Variants in DCLK2 observed in about 807,000 individuals in gnomAD.
The protein encoded by DCLK2 is doublecortin like kinase 2.
Under a neutral mutation model 78.4 loss-of-function variants are expected in DCLK2, and 31 were observed. The observed-to-expected ratio is 0.40, with a 90% CI of 0.30 to 0.53. The LOEUF (loss-of-function observed/expected upper bound fraction) is 0.53, where lower values mean the gene tolerates loss of function less well. Ranked by LOEUF, DCLK2 falls within the 20% of genes least tolerant of loss-of-function variation. The pLI, the probability that DCLK2 is intolerant of heterozygous loss-of-function variation, is 0.61. For synonymous variants in DCLK2, 407 were observed against 374.9 expected, an observed-to-expected ratio of 1.09 and a Z score of -0.99; for missense variants, 872 against 973.7, an observed-to-expected ratio of 0.90 and a Z score of 1.39.
At chr4:150,218,939 C>G (rs1009762616) in intron 5 of DCLK2, among the ~76,000 whole-genome samples, 4 of 152,186 alleles carry the variant, frequency 2.6e-5, no homozygotes, top group African/African-American at 9.7e-5. Flanking sequence ...AATGGTGGTG[C>G]ACGCCTGTAA....
chr4:150,100,775 A>T (rs752168570), intron 1 of DCLK2, among the ~76,000 whole-genome samples: 27 of 152,218 alleles, frequency 1.8e-4, no homozygotes, highest in Non-Finnish European at 4.4e-5. Flanking sequence ...TTCCCAGATG[A>T]TCATACTGTG....
intron 3 of DCLK2, among the ~76,000 whole-genome samples, chr4:150,197,344 A>T (rs1327949033): frequency 6.6e-6 from 1 of 152,220 alleles, no homozygotes; most frequent in South Asian, 2.1e-4. Context: ...CTACTGATTT[A>T]AAAAGATAGT....
chr4:150,127,523 G>C (rs559016630), intron 2 of DCLK2, among the ~76,000 whole-genome samples: 2 of 152,114 alleles, frequency 1.3e-5, no homozygotes, highest in Non-Finnish European at 2.9e-5. Flanking sequence ...CTTCAAGTTG[G>C]AGTCTGTGTC....
Position 150,108,436 on chromosome 4 carries a change from CG to C in DCLK2, c.756+5627del, listed in dbSNP as rs1477290271. Among the ~76,000 whole-genome samples, 15 of 151,370 alleles carry C rather than the reference CG, an allele frequency of 9.9e-5. No homozygotes were observed. In the East Asian group the frequency reaches 2.7e-3, roughly 28 times the overall value. ...GTGGGCGCCTGTAGTCCCAGCTACA[CG>C]GGAGGCTGAGGCAGGAGAATGGCAT... On this transcript the variant is annotated intron_variant, in intron 2 of 15. Coordinates refer to ENST00000296550, the MANE Select transcript of DCLK2 (RefSeq NM_001040260.4).
At chr4:150,246,110 T>C (rs1242851986) in intron 12 of DCLK2, among the ~76,000 whole-genome samples, 1 of 151,812 alleles carries the variant, frequency 6.6e-6, no homozygotes, top group African/African-American at 2.4e-5. Context: ...AGTGGTGCGA[T>C]CTCAGCTCAC....
intron 1 of DCLK2, 103 bp from the exon 2 acceptor site, chr4:150,102,375 A>G (rs1730947593): frequency 2.8e-6 from 3 of 1,075,400 alleles, no homozygotes; most frequent in South Asian, 3.2e-5. Context: ...TGAACCCACT[A>G]AGGTTAAGGG....
intron 2 of DCLK2, among the ~76,000 whole-genome samples, chr4:150,117,856 A>G (rs1732214867): frequency 6.6e-6 from 1 of 152,194 alleles, no homozygotes; most frequent in Non-Finnish European, 1.5e-5. Context: ...AAAAAAGTTC[A>G]CAGCATGAAT....
intron 15 of DCLK2, among the ~76,000 whole-genome samples, chr4:150,254,711 T>C (rs1300606104): frequency 2.0e-5 from 3 of 152,172 alleles, no homozygotes; most frequent in Admixed American, 6.5e-5. Flanking sequence ...GACAGGATCT[T>C]GCTCTGTTGC....
At chr4:150,169,337 C>T (rs934003581) in intron 2 of DCLK2, among the ~76,000 whole-genome samples, 4 of 152,280 alleles carry the variant, frequency 2.6e-5, no homozygotes, top group East Asian at 1.9e-4. Context: ...TAGAATGATT[C>T]GTACATCAGG....
Position 150,183,310 on chromosome 4 carries a change from G to A in DCLK2, c.757-9828G>A, listed in dbSNP as rs1580667557. Among the ~76,000 whole-genome samples, 3 of 152,336 alleles carry A rather than the reference G, an allele frequency of 2.0e-5. No individual in the cohort carries two copies. In the East Asian group the frequency reaches 5.8e-4, roughly 29 times the overall value. ...CTGAAGTCTCTGAATAGCACCAAAT[G>A]TGGAGTGTAATTGCAAATTGCAGTG... On this transcript the variant is annotated intron_variant, in intron 2 of 15. Coordinates refer to ENST00000296550, the MANE Select transcript of DCLK2 (RefSeq NM_001040260.4).
At chr4:150,240,769 G>A (rs202125268) in intron 12 of DCLK2, among the ~76,000 whole-genome samples, 24 of 136,834 alleles carry the variant, frequency 1.8e-4, no homozygotes, top group East Asian at 4.3e-4. Context: ...AAAAGAAAAA[G>A]AAAAAAAAAA....
intron 2 of DCLK2, among the ~76,000 whole-genome samples, chr4:150,126,697 A>G (rs1436578224): frequency 6.6e-6 from 1 of 152,204 alleles, no homozygotes; most frequent in Admixed American, 6.5e-5. Flanking sequence ...TATGCCCTCC[A>G]TCCAGCCTCC....
At chr4:150,132,477 A>C (rs189009409) in intron 2 of DCLK2, among the ~76,000 whole-genome samples, 1 of 152,346 alleles carries the variant, frequency 6.6e-6, no homozygotes, top group East Asian at 1.9e-4. Context: ...GGTACAGTTG[A>C]TTCTCACTAT....
rs570190911 is a variant in DCLK2, at chr4:150,115,696, C to T, written c.756+12884C>T. ...TATTAGCAATGTGCTTGGTGTGTGA[C>T]CAGGTTGATTGCTGTAGGATTGAAA... On this transcript the variant is annotated intron_variant, in intron 2 of 15. Transcript: ENST00000296550. Among the ~76,000 whole-genome samples the T allele has an allele frequency of 2.0e-5, 3 of 152,164 alleles. No individual in the cohort carries two copies. The South Asian group carries it at 6.2e-4, about 32-fold the overall frequency.
intron 2 of DCLK2, among the ~76,000 whole-genome samples, chr4:150,104,505 G>C (rs551046213): frequency 6.7e-6 from 1 of 148,312 alleles, no homozygotes; most frequent in African/African-American, 2.5e-5. Flanking sequence ...CCTTAAAAAG[G>C]TTCCAGACTA....
In DCLK2 at chr4:150,249,659, C is replaced by G. The variant is rs201425655; in HGVS notation, c.2048C>G (p.Thr683Ser). The stretch of plus-strand genomic sequence containing the variant: ...AATGCGCTCCCCAAACAGAACAGCA[C>G]TACCACCGGGGTCTCCGTCATCATG... ...FNNALPKQNS[T>S]TTGVSVIMNT... The change falls in exon 15 of 16, where the codon ACT (threonine) becomes AGT (serine). Residue 683 changes from threonine (T) to serine (S), a missense_variant. Thr to Ser is a moderately conservative substitution (Grantham distance 58, BLOSUM62 1). This residue lies in a region of DCLK2 where 219 missense variants were observed against 230.1 expected (regional missense o/e 0.95). Transcript: ENST00000296550. 6.2e-7 allele frequency: 1 copy of G among 1,613,714 alleles called. No individual in the cohort carries two copies. The highest frequency in any genetic ancestry group is 8.5e-7 in the Non-Finnish European group (1 of 1,179,950).
At chr4:150,163,825 A>C (rs1580627122) in intron 2 of DCLK2, among the ~76,000 whole-genome samples, 1 of 152,256 alleles carries the variant, frequency 6.6e-6, no homozygotes, top group East Asian at 1.9e-4. Flanking sequence ...ATGAATGATT[A>C]TGATTGAGAT....
In DCLK2 at chr4:150,232,710, C is replaced by T. The variant is rs771287672; in HGVS notation, c.1448C>T (p.Ser483Leu). 7 of 1,611,890 alleles carry T rather than the reference C, an allele frequency of 4.3e-6. No individual in the cohort carries two copies. The East Asian group carries it at 6.7e-5, about 15-fold the overall frequency. Residue 483 changes from serine (S) to leucine (L), a missense_variant, in exon 10 of 16, where the codon TCG (serine) becomes TTG (leucine). By Grantham distance (145) the Ser-to-Leu change is moderately radical. Transcript: ENST00000296550. ...KGGDLFDAIT[S>L]STKYTERDGS... ...GGAGATCTCTTTGATGCAATTACTT[C>T]GTCGACCAAGTACACTGAGAGAGAT...
At chr4:150,190,205 A>G (rs1206377802) in intron 2 of DCLK2, among the ~76,000 whole-genome samples, 3 of 118,524 alleles carry the variant, frequency 2.5e-5, no homozygotes, top group Non-Finnish European at 6.1e-5. Context: ...CCCTGGATAG[A>G]TATAGATAGA....
Sources: allele counts gnomAD v4.1 joint callset (sites outside exome capture counted in the v4.1 genomes callset), GRCh38; gene constraint gnomAD v4.1.1; regional missense constraint gnomAD v4.1.1; transcripts MANE v1.5; gene names NCBI Gene and HGNC (gene_info 2026-07-23, HGNC 2026-07-21).